Variants in ERCC6 observed in about 807,000 individuals in gnomAD.
ERCC6 encodes DNA excision repair protein ERCC-6.
Under a neutral mutation model 158.7 loss-of-function variants are expected in ERCC6, and 116 were observed. The ratio of observed to expected loss-of-function variants is 0.73; its 90% confidence interval spans 0.63 to 0.85. The LOEUF (loss-of-function observed/expected upper bound fraction) is 0.85, where lower values mean the gene tolerates loss of function less well. Ranked by LOEUF, ERCC6 falls within the 40% of genes least tolerant of loss-of-function variation. The probability of loss-of-function intolerance (pLI) is 0.00; values close to 1 mark genes in which losing one functional copy is unlikely to be tolerated. For missense variants in ERCC6, 1,698 were observed against 1,799.4 expected, an observed-to-expected ratio of 0.94 and a Z score of 1.02; for synonymous variants, 678 against 659.3, an observed-to-expected ratio of 1.03 and a Z score of -0.43.
rs777251839 is a variant in ERCC6 at position 49,472,898 on chromosome 10, T to A, written c.2829+11A>T. 87 of 1,610,942 alleles carry A rather than the reference T, an allele frequency of 5.4e-5. No homozygotes were observed. Among genetic ancestry groups the A allele is most frequent in the Non-Finnish European group, 6.7e-5 (79 of 1,178,726 alleles). Reference sequence around the variant, plus strand: ...CTAATACATTCTTTTAAAAAAAAAATAAAAACAAACCTGCGTGTCCGTGCT... The same window carrying A: ...CTAATACATTCTTTTAAAAAAAAAAAAAAAACAAACCTGCGTGTCCGTGCT... On this transcript the variant is annotated intron_variant, in intron 15 of 20. Transcript: ENST00000355832.
At chr10:49,517,358 GA>G (rs928278467) in intron 5 of ERCC6, among the ~76,000 whole-genome samples, 1 of 152,148 alleles carries the variant, frequency 6.6e-6, no homozygotes, top group South Asian at 2.1e-4. Context: ...AAATGTTTCT[GA>G]AAACTCACAT....
intron 18 of ERCC6, among the ~76,000 whole-genome samples, chr10:49,467,445 T>C (rs983444828): frequency 5.9e-5 from 9 of 152,222 alleles, no homozygotes; most frequent in African/African-American, 2.2e-4. Context: ...TCGTTATGGT[T>C]CTAATTGGCA....
intron 8 of ERCC6, among the ~76,000 whole-genome samples, chr10:49,492,825 G>A (rs1851198270): frequency 6.6e-6 from 1 of 152,150 alleles, no homozygotes; most frequent in Non-Finnish European, 1.5e-5. Context: ...CCTGACTTAT[G>A]ACTCCAACCC....
downstream of ERCC6, among the ~76,000 whole-genome samples, chr10:49,451,919 T>C (rs528265447): frequency 7.2e-5 from 11 of 152,330 alleles, no homozygotes; most frequent in Non-Finnish European, 1.2e-4. Context: ...TCACTAGTTA[T>C]AGGTCTATTC....
intron 8 of ERCC6, among the ~76,000 whole-genome samples, chr10:49,489,062 C>T (rs751832741): frequency 2.0e-4 from 30 of 152,282 alleles, no homozygotes; most frequent in East Asian, 1.5e-3. Flanking sequence ...GGATTATAGG[C>T]GTGAGCCACC....
intron 14 of ERCC6, 28 bp from the exon 15 acceptor site, chr10:49,473,056 A>T (rs946969139): frequency 6.2e-7 from 1 of 1,614,002 alleles, no homozygotes. Context: ...AACACTGAGC[A>T]CACACACTTA....
At chr10:49,463,698 T>C (rs1460032221) in intron 18 of ERCC6, among the ~76,000 whole-genome samples, 3 of 152,182 alleles carry the variant, frequency 2.0e-5, no homozygotes, top group Admixed American at 6.5e-5. Context: ...ATTATGAAGA[T>C]GCGTCTTTCC....
chr10:49,515,917 C>G lies in ERCC6; in HGVS notation c.1397+8116G>C, dbSNP rs1836943409. 1 of 1,614,176 alleles carries G rather than the reference C, an allele frequency of 6.2e-7. No homozygotes were observed. On this transcript the variant is annotated intron_variant, in intron 5 of 20. Transcript: ENST00000355832. Reference sequence around the variant, plus strand: ...TTGCCTTTGCCATCAATTCGATAATCAAATGTGCCTCTTTCTTTTTTCTTT... The same window carrying G: ...TTGCCTTTGCCATCAATTCGATAATGAAATGTGCCTCTTTCTTTTTTCTTT...
At chr10:49,486,897 C>A (rs1851088056) in intron 8 of ERCC6, among the ~76,000 whole-genome samples, 1 of 152,336 alleles carries the variant, frequency 6.6e-6, no homozygotes, top group East Asian at 1.9e-4. Flanking sequence ...ACTGACACAG[C>A]ACACTTATGA....
At chr10:49,533,537 C>T (rs537849051) in intron 1 of ERCC6, among the ~76,000 whole-genome samples, 1 of 152,306 alleles carries the variant, frequency 6.6e-6, no homozygotes, top group East Asian at 1.9e-4. Context: ...AATCCCAGCA[C>T]TTTGGGAGGC....
Position 49,460,001 on chromosome 10 carries a change from G to C in ERCC6, c.4062+372C>G. 2 of 346,688 alleles carry C rather than the reference G, an allele frequency of 5.8e-6. 1 individual carries two copies. The highest frequency in any genetic ancestry group is 5.1e-5 in the South Asian group (2 of 39,370). The allele number at this position is 346,688 out of a possible 1,614,324, so 21.5% of individuals were successfully genotyped here. A position where few individuals can be genotyped will look rare whatever the true frequency, so the allele number is the denominator to read the frequency against. On this transcript the variant is annotated intron_variant, in intron 20 of 20. Coordinates refer to ENST00000355832, the MANE Select transcript of ERCC6 (RefSeq NM_000124.4). Reference sequence around the variant, plus strand: ...GGCACTCTGCTCTAGCAGCCAGTGAGTTACAGACACCAACATTCAAGGCAG... The same window carrying C: ...GGCACTCTGCTCTAGCAGCCAGTGACTTACAGACACCAACATTCAAGGCAG...
rs200239727 is a variant in ERCC6 at position 49,470,934 on chromosome 10, G to A, written c.3070+41C>T. 763 of 1,613,414 alleles carry A rather than the reference G, an allele frequency of 4.7e-4. 1 individual carries two copies. Among genetic ancestry groups the A allele is most frequent in the Non-Finnish European group, 2.7e-4 (316 of 1,179,758 alleles). On this transcript the variant is annotated intron_variant, in intron 17 of 20. Transcript: ENST00000355832. ...CACTAATACTATATTGTATCATCTT[G>A]TGCAATTGATTACTTTAAATTAAAT...
At chr10:49,437,402 C>A in the ERCC6 span, among the ~76,000 whole-genome samples, 1 of 152,126 alleles carries the variant, frequency 6.6e-6, no homozygotes, top group African/African-American at 2.4e-5. Context: ...TTAAGTACAG[C>A]AAGATCCCTT....
chr10:49,513,598 T>C (rs934225176), intron 5 of ERCC6, among the ~76,000 whole-genome samples: 6 of 152,158 alleles, frequency 3.9e-5, no homozygotes, highest in Non-Finnish European at 1.5e-5. Context: ...ATAATCATGG[T>C]GGAAGGTGAA....
Position 49,459,142 on chromosome 10 carries a change from A to C in ERCC6, c.4155T>G (p.Ala1385=). 1 of 1,614,216 alleles carries C rather than the reference A, an allele frequency of 6.2e-7. No individual in the cohort carries two copies. ...TCATTTTAGCCAAGAGTGAGGAGGA[A>C]GCGAGGGGCCCGGATGAAGAGTCTG... is the stretch of plus-strand genomic sequence containing the variant. ...EDADSSSGPL[A]SSSLLAKMRA... Residue 1385 remains alanine (A), a synonymous_variant, in exon 21 of 21, where the codon GCT becomes GCG. Transcript: ENST00000355832.
In ERCC6 at chr10:49,516,715, C is replaced by G; in HGVS notation, c.1397+7318G>C. Reference sequence around the variant, plus strand: ...GGAGTTCTCATTACGGTGAAGAAATCGTTTGGTGGTGCTGTAACTCTACCT... The same window carrying G: ...GGAGTTCTCATTACGGTGAAGAAATGGTTTGGTGGTGCTGTAACTCTACCT... On this transcript the variant is annotated intron_variant, in intron 5 of 20. Transcript: ENST00000355832. The G allele has an allele frequency of 6.2e-7, 1 of 1,613,988 alleles. No homozygotes were observed. Among genetic ancestry groups the G allele is most frequent in the Non-Finnish European group, 8.5e-7 (1 of 1,179,920 alleles).
chr10:49,490,034 A>G (rs1851145439), intron 8 of ERCC6, among the ~76,000 whole-genome samples: 1 of 152,228 alleles, frequency 6.6e-6, no homozygotes, highest in Non-Finnish European at 1.5e-5. Flanking sequence ...AGGATCACGA[A>G]ATATAATCAG....
the ERCC6 span, among the ~76,000 whole-genome samples, chr10:49,437,460 C>T: frequency 6.6e-6 from 1 of 152,078 alleles, no homozygotes; most frequent in Admixed American, 6.5e-5. Context: ...TAGGTATATA[C>T]AAACATATAA....
chr10:49,537,591 G>A (rs1837632176), intron 1 of ERCC6, among the ~76,000 whole-genome samples: 2 of 152,064 alleles, frequency 1.3e-5, no homozygotes, highest in Admixed American at 1.3e-4. Context: ...CTGACAAAAT[G>A]AGAGAAACCA....
Sources: gnomAD v4.1 joint callset for allele counts (sites outside exome capture counted in the v4.1 genomes callset) on GRCh38, gnomAD v4.1.1 for gene constraint, MANE v1.5 for transcripts, NCBI Gene and HGNC (gene_info 2026-07-23, HGNC 2026-07-21) for gene names.